Variants in USP24 observed in about 807,000 individuals in gnomAD.
USP24 encodes ubiquitin specific peptidase 24.
A neutral mutation model predicts 361.6 loss-of-function variants in USP24; 97 were observed. That is an observed-to-expected ratio of 0.27 (90% CI 0.23 to 0.32). USP24 has a LOEUF of 0.32. USP24 is among the 10% of genes least tolerant of loss of function. The pLI, the probability that USP24 is intolerant of heterozygous loss-of-function variation, is 1.00. For synonymous variants in USP24, 1,098 were observed against 1,124.6 expected, an observed-to-expected ratio of 0.98 and a Z score of 0.47; for missense variants, 2,353 against 3,165.6, an observed-to-expected ratio of 0.74 and a Z score of 6.16.
At chr1:55,164,200 G>T (rs1648585568) in intron 7 of USP24, among the ~76,000 whole-genome samples, 1 of 151,648 alleles carries the variant, frequency 6.6e-6, no homozygotes. Flanking sequence ...ATACAACCAG[G>T]TATAGCTTGA....
At chr1:55,145,966 A>G (rs1420241344) in intron 20 of USP24, 32 bp downstream of exon 20, 1 of 1,437,624 alleles carries the variant, frequency 7.0e-7, no homozygotes, top group Non-Finnish European at 9.8e-7. Flanking sequence ...ACTTAAAAGT[A>G]CTGAAAAAAA....
chr1:55,077,870 G>A (rs952262667), intron 61 of USP24, among the ~76,000 whole-genome samples: 5 of 152,162 alleles, frequency 3.3e-5, no homozygotes, highest in African/African-American at 7.2e-5. Context: ...AGCACTTCAC[G>A]TATTATACCA....
chr1:55,158,208 C>T (rs1334820337), intron 10 of USP24, among the ~76,000 whole-genome samples: 1 of 152,254 alleles, frequency 6.6e-6, no homozygotes, highest in Non-Finnish European at 1.5e-5. Context: ...CTGTTGCCCA[C>T]ATGTGCCCAT....
At chr1:55,124,432 C>G (rs779047189) in intron 35 of USP24, 37 bp downstream of exon 35, 3 of 1,581,418 alleles carry the variant, frequency 1.9e-6, no homozygotes, top group Admixed American at 1.8e-5. Context: ...TTATTTCTTA[C>G]CCAGTGTTCT....
intron 19 of USP24, 27 bp from the exon 20 acceptor site, chr1:55,146,136 A>G (rs1468277533): frequency 2.0e-6 from 3 of 1,535,304 alleles, no homozygotes; most frequent in South Asian, 1.1e-5. Context: ...ATATCACCCT[A>G]TAACTAAGAT....
In USP24 at chr1:55,190,164, C is replaced by CAAA. The variant is rs397696116; in HGVS notation, c.325-12035_325-12033dup. On this transcript the variant is annotated intron_variant, in intron 1 of 67. Transcript: ENST00000294383. Reference sequence around the variant, plus strand: ...TGGGTGACAGACCAAGACTCCATCTCAAAAAAAAAAAAAAAAAAAAAGAAA... The same window carrying CAAA: ...TGGGTGACAGACCAAGACTCCATCTCAAAAAAAAAAAAAAAAAAAAAAAAGAAA... 3.0e-3 allele frequency among the ~76,000 whole-genome samples: 237 copies of CAAA among 78,304 alleles called. 6 individuals carry two copies. Among genetic ancestry groups the CAAA allele is most frequent in the African/African-American group, 9.7e-3 (173 of 17,802 alleles). 51.4% of individuals were successfully genotyped at this position (78,304 alleles called of 152,430 possible).
At chr1:55,124,723 C>A (rs1024331103) in intron 34 of USP24, 95 bp from the exon 35 acceptor site, 11 of 1,367,718 alleles carry the variant, frequency 8.0e-6, no homozygotes, top group Middle Eastern at 2.2e-4. Flanking sequence ...TCATACGCCT[C>A]CTTTCCCTCC....
chr1:55,094,193 AT>A, intron 51 of USP24, 106 bp from the exon 52 acceptor site: 1 of 1,105,322 alleles, frequency 9.0e-7, no homozygotes, highest in Non-Finnish European at 1.3e-6. Context: ...CTATTTGATT[AT>A]TATACATGTA....
At chr1:55,148,273 T>TAAA (rs142185905) in intron 17 of USP24, among the ~76,000 whole-genome samples, 190 bp downstream of exon 17, 1 of 137,582 alleles carries the variant, frequency 7.3e-6, no homozygotes, top group Non-Finnish European at 1.6e-5. Context: ...TTAAGGAGAT[T>TAAA]AAAAAAAAAA....
intron 54 of USP24, among the ~76,000 whole-genome samples, chr1:55,091,176 T>C (rs1295411832): frequency 5.4e-5 from 8 of 147,702 alleles, no homozygotes; most frequent in Non-Finnish European, 1.2e-4. Flanking sequence ...CCCTGGGCCA[T>C]GGACCAGTAC....
chr1:55,111,280 TTAAA>T (rs113689826), intron 38 of USP24, among the ~76,000 whole-genome samples: 7,210 of 152,176 alleles, frequency 0.047, 457 homozygotes, highest in African/African-American at 0.14. Flanking sequence ...TGATGTGAAA[TTAAA>T]TAGCTCTACC....
At chr1:55,103,774 T>C (rs2100519037) in intron 42 of USP24, 102 bp downstream of exon 42, 1 of 1,323,862 alleles carries the variant, frequency 7.6e-7, no homozygotes, top group East Asian at 2.5e-5. Flanking sequence ...ATAGTAATAC[T>C]GACTTTCTTT....
chr1:55,166,456 A>G (rs1044499410), intron 6 of USP24, 112 bp downstream of exon 6: 4 of 1,022,538 alleles, frequency 3.9e-6, no homozygotes, highest in African/African-American at 1.7e-5. Flanking sequence ...TCCTTAAAGC[A>G]TTTTTTTTAT....
At chr1:55,128,807 C>T (rs1034959950) in intron 32 of USP24, among the ~76,000 whole-genome samples, 7 of 151,346 alleles carry the variant, frequency 4.6e-5, no homozygotes, top group African/African-American at 1.2e-4. Flanking sequence ...TTCCACCTCC[C>T]GGGCTCAAGT....
At chr1:55,102,259 T>C (rs551296643) in intron 42 of USP24, among the ~76,000 whole-genome samples, 57 of 152,348 alleles carry the variant, frequency 3.7e-4, no homozygotes, top group African/African-American at 1.4e-3. Context: ...AACATTCTTC[T>C]ATTAAACTTC....
At chr1:55,199,672 ATGTT>A (rs1644516875) in intron 1 of USP24, among the ~76,000 whole-genome samples, 1 of 151,922 alleles carries the variant, frequency 6.6e-6, no homozygotes, top group South Asian at 2.1e-4. Context: ...ATGTGACAAA[ATGTT>A]TGCAAATAAT....
chr1:55,095,204 A>G, intron 51 of USP24, 51 bp downstream of exon 51: 1 of 1,583,676 alleles, frequency 6.3e-7, no homozygotes, highest in Non-Finnish European at 8.6e-7. Flanking sequence ...GTCACAGACC[A>G]CATCATCACC....
At position 55,072,859 on chromosome 1, in the gene USP24, C is replaced by T; in HGVS notation, c.7529G>A (p.Cys2510Tyr). Residue 2510 changes from cysteine to tyrosine, a missense_variant and splice_region_variant, in exon 65 of 68, where the codon TGT (cysteine) becomes TAT (tyrosine). By Grantham distance (194) the Cys-to-Tyr change is radical (BLOSUM62 -2). This residue lies in a region of USP24 where 598 missense variants were observed against 761.9 expected (regional missense o/e 0.78). Coordinates refer to ENST00000294383, the MANE Select transcript of USP24 (RefSeq NM_015306.3). ...CTTGAAGTACTCCTTAGCTGCAGGACACCTGATGACCGAGGAGATTTTTAT... is the reference window on the plus strand; with the variant it reads ...CTTGAAGTACTCCTTAGCTGCAGGATACCTGATGACCGAGGAGATTTTTAT... The part of the protein sequence containing the change: ...VKFLVTLAQK[C>Y]PAAKEYFKEN... 3 of 1,605,320 alleles carry T rather than the reference C, an allele frequency of 1.9e-6. No individual in the cohort carries two copies. The highest frequency in any genetic ancestry group is 2.6e-6 in the Non-Finnish European group (3 of 1,175,882).
At chr1:55,131,053 A>C (rs936207514) in intron 31 of USP24, among the ~76,000 whole-genome samples, 4 of 152,182 alleles carry the variant, frequency 2.6e-5, no homozygotes, top group Non-Finnish European at 5.9e-5. Context: ...CCATTGTTGG[A>C]CCATTCTGTT....
Sources: gnomAD v4.1 joint callset for allele counts (sites outside exome capture counted in the v4.1 genomes callset) on GRCh38, gnomAD v4.1.1 for gene constraint, gnomAD v4.1.1 regional missense constraint, MANE v1.5 for transcripts, NCBI Gene and HGNC (gene_info 2026-07-23, HGNC 2026-07-21) for gene names.